Variants in UNC79 observed in about 807,000 individuals in gnomAD.
UNC79 encodes unc-79 subunit of NALCN channel complex.
In UNC79, 37 loss-of-function variants were observed where a neutral mutation model predicts 283.1. The observed-to-expected ratio is 0.13, with a 90% CI of 0.10 to 0.17. The LOEUF (loss-of-function observed/expected upper bound fraction) is 0.17. Ranked by LOEUF, UNC79 falls within the 10% of genes least tolerant of loss-of-function variation. The pLI is 1.00. For missense variants in UNC79, 2,272 were observed against 3,211.1 expected, an observed-to-expected ratio of 0.71 and a Z score of 7.07; for synonymous variants, 1,107 against 1,200.2, an observed-to-expected ratio of 0.92 and a Z score of 1.61.
At chr14:93,441,477 T>G (rs977957127) in intron 1 of UNC79, among the ~76,000 whole-genome samples, 2 of 152,064 alleles carry the variant, frequency 1.3e-5, no homozygotes, top group African/African-American at 4.8e-5. Context: ...TTATTTTATT[T>G]TTATGTATTT....
At chr14:93,540,555 C>G (rs2061327707) in intron 12 of UNC79, 105 bp from the exon 13 acceptor site, 1 of 1,261,016 alleles carries the variant, frequency 7.9e-7, no homozygotes, top group South Asian at 1.5e-5. Context: ...TAAAGAAGAG[C>G]AATCCAGGAT....
intron 26 of UNC79, among the ~76,000 whole-genome samples, chr14:93,610,443 T>C (rs183009600): frequency 4.6e-5 from 7 of 152,318 alleles, no homozygotes; most frequent in Admixed American, 4.6e-4. Flanking sequence ...AGATTGAAGC[T>C]ATATTGTAAC....
chr14:93,603,560 A>G, intron 26 of UNC79, 142 bp downstream of exon 26: 3 of 1,039,766 alleles, frequency 2.9e-6, no homozygotes, highest in Non-Finnish European at 4.1e-6. Flanking sequence ...GATTCCCTAG[A>G]GAATCACTTC....
At chr14:93,583,119 C>T (rs1407415714) in intron 20 of UNC79, among the ~76,000 whole-genome samples, 4 of 151,994 alleles carry the variant, frequency 2.6e-5, no homozygotes, top group Non-Finnish European at 5.9e-5. Flanking sequence ...GTCGGGAGTT[C>T]AAGACCAGCC....
rs145546404 is a variant in UNC79 at position 93,681,222 on chromosome 14, C to A, written c.6742-1395C>A. ...GAGATCTGTGTCCACTCCTGTCACA[C>A]AGCTCTTGGGGACAGCTCTGCTTGT... On this transcript the variant is annotated intron_variant, in intron 41 of 48. Coordinates refer to ENST00000555664, the Ensembl canonical transcript of UNC79. 1.4e-3 allele frequency among the ~76,000 whole-genome samples: 209 copies of A among 151,914 alleles called. 2 individuals carry two copies. Among genetic ancestry groups the A allele is most frequent in the Non-Finnish European group, 2.3e-3 (158 of 67,900 alleles).
chr14:93,347,176 C>G, intron 1 of UNC79: 2 of 1,444,230 alleles, frequency 1.4e-6, no homozygotes, highest in Non-Finnish European at 1.8e-6. Context: ...GGCGCCTGCG[C>G]AAACCAGCTG....
chr14:93,657,259 A>G (rs1596264970), intron 38 of UNC79, among the ~76,000 whole-genome samples: 2 of 152,214 alleles, frequency 1.3e-5, no homozygotes, highest in East Asian at 1.9e-4. Flanking sequence ...AATTTTAAGC[A>G]CATGGAACCT....
At chr14:93,475,603 TTAAA>T (rs145638077) in intron 3 of UNC79, among the ~76,000 whole-genome samples, 11,681 of 152,216 alleles carry the variant, frequency 0.077, 496 homozygotes, top group Middle Eastern at 0.13. Flanking sequence ...AGCTCTGAAC[TTAAA>T]TGAGAGGATT....
chr14:93,527,232 A>G (rs2060587138), intron 8 of UNC79, among the ~76,000 whole-genome samples: 1 of 152,232 alleles, frequency 6.6e-6, no homozygotes, highest in African/African-American at 2.4e-5. Flanking sequence ...GCCCAGAGCC[A>G]AATCTGGCCT....
chr14:93,530,325 C>T (rs949327208), intron 10 of UNC79, among the ~76,000 whole-genome samples: 3 of 152,138 alleles, frequency 2.0e-5, no homozygotes, highest in Admixed American at 2.0e-4. Context: ...AATTCCAGTA[C>T]TTTGGGAAGT....
chr14:93,693,364 A>G (rs2074848551), intron 46 of UNC79, among the ~76,000 whole-genome samples: 1 of 152,230 alleles, frequency 6.6e-6, no homozygotes, highest in Admixed American at 6.5e-5. Context: ...TCCTTCTATC[A>G]TTAGTTTTTT....
chr14:93,352,094 C>T lies in UNC79; in HGVS notation c.-351+18571C>T, dbSNP rs189718892. ...AGAGCATGAAAAAGGTTGGTGATAC[C>T]CTGAAATGTAAAGGTGTGAGCACAG... On this transcript the variant is annotated intron_variant, in intron 1 of 49. Transcript: ENST00000256339. 1.7e-3 allele frequency among the ~76,000 whole-genome samples: 265 copies of T among 152,122 alleles called. 1 individual carries two copies. The highest frequency in any genetic ancestry group is 4.3e-3 in the Admixed American group (66 of 15,278).
chr14:93,468,640 G>A (rs1024781033), intron 2 of UNC79, among the ~76,000 whole-genome samples: 4 of 152,206 alleles, frequency 2.6e-5, no homozygotes, highest in Non-Finnish European at 4.4e-5. Flanking sequence ...AGTGGCACTG[G>A]AGTTTCTAGC....
chr14:93,699,082 C>A (rs1199386654), intron 47 of UNC79, among the ~76,000 whole-genome samples: 1 of 152,098 alleles, frequency 6.6e-6, no homozygotes, highest in Non-Finnish European at 1.5e-5. Flanking sequence ...ATTTAAACTG[C>A]ATTTCTTATA....
chr14:93,441,813 G>C (rs2056307850), intron 1 of UNC79, among the ~76,000 whole-genome samples: 1 of 151,910 alleles, frequency 6.6e-6, no homozygotes, highest in Non-Finnish European at 1.5e-5. Flanking sequence ...GTTTAGCTTT[G>C]TTTCTCAGAT....
intron 1 of UNC79, among the ~76,000 whole-genome samples, chr14:93,376,601 CA>C (rs1436716645): frequency 6.6e-6 from 1 of 152,092 alleles, no homozygotes; most frequent in East Asian, 1.9e-4. Context: ...AATTGAGCAG[CA>C]CTTGGAACCA....
At chr14:93,425,354 CA>C (rs1294759975), upstream of UNC79, among the ~76,000 whole-genome samples, 1 of 152,186 alleles carries the variant, frequency 6.6e-6, no homozygotes, top group Admixed American at 6.5e-5. Flanking sequence ...TACCATGACA[CA>C]TGGGGATTTT....
At chr14:93,480,950 T>G (rs1339909126) in intron 4 of UNC79, among the ~76,000 whole-genome samples, 1 of 152,214 alleles carries the variant, frequency 6.6e-6, no homozygotes, top group Non-Finnish European at 1.5e-5. Flanking sequence ...AAACATGAAC[T>G]GCTTTTCAGG....
chr14:93,699,555 T>G (rs2075384795), intron 47 of UNC79, among the ~76,000 whole-genome samples: 1 of 152,188 alleles, frequency 6.6e-6, no homozygotes, highest in Non-Finnish European at 1.5e-5. Flanking sequence ...GTTTTTTAAT[T>G]ATCTTTTAGC....
Sources: gnomAD v4.1 joint callset for allele counts (sites outside exome capture counted in the v4.1 genomes callset) on GRCh38, gnomAD v4.1.1 for gene constraint, MANE v1.5 for transcripts, NCBI Gene and HGNC (gene_info 2026-07-23, HGNC 2026-07-21) for gene names.